The following EPHB1 variants were observed in gnomAD, a reference collection of about 807,000 sequenced individuals.
EPHB1 encodes the protein EPH receptor B1.
Under a neutral mutation model 94.4 loss-of-function variants are expected in EPHB1, and 30 were observed. The observed-to-expected ratio is 0.32, with a 90% CI of 0.24 to 0.43. The LOEUF (loss-of-function observed/expected upper bound fraction) is 0.43, where lower values mean the gene tolerates loss of function less well. Among genes scored for constraint, EPHB1 ranks in the 20% least tolerant of loss-of-function variants. The pLI, the probability that EPHB1 is intolerant of heterozygous loss-of-function variation, is 1.00. For synonymous variants in EPHB1, 522 were observed against 489.1 expected, an observed-to-expected ratio of 1.07 and a Z score of -0.89; for missense variants, 1,055 against 1,308.3, an observed-to-expected ratio of 0.81 and a Z score of 2.99.
At chr3:135,076,964 C>T (rs558909396) in intron 3 of EPHB1, among the ~76,000 whole-genome samples, 56 of 152,154 alleles carry the variant, frequency 3.7e-4, no homozygotes, top group Non-Finnish European at 6.6e-4. Context: ...GGGACATTTA[C>T]GGGGTGGTAG....
intron 9 of EPHB1, among the ~76,000 whole-genome samples, chr3:135,171,091 G>A (rs1941790015): frequency 6.6e-6 from 1 of 152,158 alleles, no homozygotes; most frequent in Non-Finnish European, 1.5e-5. Context: ...CAAACACTTG[G>A]AGAGATGATT....
chr3:135,210,571 C>T (rs1286660680), intron 12 of EPHB1, among the ~76,000 whole-genome samples: 1 of 152,134 alleles, frequency 6.6e-6, no homozygotes, highest in Non-Finnish European at 1.5e-5. Flanking sequence ...TCCAATTGTC[C>T]CTTCCTCCTG....
chr3:135,073,149 T>G (rs1231006404), intron 3 of EPHB1, among the ~76,000 whole-genome samples: 28 of 152,146 alleles, frequency 1.8e-4, no homozygotes, highest in Admixed American at 1.8e-3. Context: ...CTAGGGTTAA[T>G]TCTACTATTT....
intron 12 of EPHB1, among the ~76,000 whole-genome samples, chr3:135,220,267 G>A (rs1401252399): frequency 1.3e-5 from 2 of 152,144 alleles, no homozygotes; most frequent in Admixed American, 6.5e-5. Flanking sequence ...GCTGCTCTGC[G>A]GATGCTCACC....
chr3:135,059,238 C>G (rs898607565), intron 3 of EPHB1, among the ~76,000 whole-genome samples: 22 of 152,208 alleles, frequency 1.4e-4, no homozygotes, highest in African/African-American at 5.3e-4. Flanking sequence ...ACAGAAGGAG[C>G]CCTTTCTGGG....
At chr3:135,007,100 C>T (rs1399683520) in intron 3 of EPHB1, among the ~76,000 whole-genome samples, 1 of 152,188 alleles carries the variant, frequency 6.6e-6, no homozygotes, top group Admixed American at 6.5e-5. Flanking sequence ...TATGAAAGAT[C>T]TGATTTAGTC....
At chr3:135,087,874 T>C (rs1392485765) in intron 3 of EPHB1, among the ~76,000 whole-genome samples, 1 of 152,150 alleles carries the variant, frequency 6.6e-6, no homozygotes, top group Non-Finnish European at 1.5e-5. Context: ...TTCATTTTTC[T>C]CTGTGCACCA....
chr3:135,151,792 C>T (rs1941203599), intron 5 of EPHB1, among the ~76,000 whole-genome samples: 1 of 152,080 alleles, frequency 6.6e-6, no homozygotes, highest in Admixed American at 6.5e-5. Flanking sequence ...ACCAATAGGC[C>T]AAATTTAACA....
chr3:135,197,825 T>C (rs981216720), intron 11 of EPHB1, among the ~76,000 whole-genome samples: 3 of 152,230 alleles, frequency 2.0e-5, no homozygotes, highest in Non-Finnish European at 2.9e-5. Context: ...TAGTTTTTTT[T>C]TTTCTTATCT....
At chr3:135,205,079 C>G (rs1942865844) in intron 12 of EPHB1, among the ~76,000 whole-genome samples, 1 of 151,944 alleles carries the variant, frequency 6.6e-6, no homozygotes, top group Non-Finnish European at 1.5e-5. Flanking sequence ...TTTCACTTAG[C>G]ATAATGACCT....
rs539717083 is a variant in EPHB1, at chr3:135,254,819, G to C, written c.2847-4193G>C. Among the ~76,000 whole-genome samples the C allele has an allele frequency of 5.7e-3, 873 of 152,230 alleles. 2 individuals are homozygous for C. The highest frequency in any genetic ancestry group is 9.6e-3 in the Non-Finnish European group (652 of 68,020). ...CCAATTCCTCCTTGTACCTCTGATA[G>C]AATTCGGCTGTGAATCCATCTGGTC... is the stretch of plus-strand genomic sequence containing the variant. On this transcript the variant is annotated intron_variant, in intron 15 of 15. Coordinates refer to ENST00000398015, the MANE Select transcript of EPHB1 (RefSeq NM_004441.5).
At chr3:135,220,180 G>A (rs1206197178) in intron 12 of EPHB1, among the ~76,000 whole-genome samples, 1 of 152,180 alleles carries the variant, frequency 6.6e-6, no homozygotes, top group African/African-American at 2.4e-5. Context: ...AAAAGAGAGA[G>A]TGAGTCCAAG....
intron 1 of EPHB1, among the ~76,000 whole-genome samples, chr3:134,811,263 T>TTTTTTC (rs1553853002): frequency 6.8e-6 from 1 of 148,060 alleles, no homozygotes; most frequent in Admixed American, 6.8e-5. Context: ...TTTTTTTTTT[T>TTTTTTC]CTGTCTTGCT....
rs1357587904 is a variant in EPHB1, at chr3:134,846,467, G to A, written c.58+50778G>A. On this transcript the variant is annotated intron_variant, in intron 1 of 15. Coordinates refer to ENST00000398015, the MANE Select transcript of EPHB1 (RefSeq NM_004441.5). ...CCACGCACATCAGCAAGAGCATCGC[G>A]TGGGTGCTCCTTTGCTTGCCCTGGG... Among the ~76,000 whole-genome samples, 7 of 152,290 alleles carry A rather than the reference G, an allele frequency of 4.6e-5. No individual in the cohort carries two copies. In the South Asian group the frequency reaches 6.2e-4, roughly 14 times the overall value.
chr3:134,905,811 G>A (rs573642308), intron 1 of EPHB1, among the ~76,000 whole-genome samples: 10 of 152,280 alleles, frequency 6.6e-5, no homozygotes, highest in East Asian at 1.9e-4. Context: ...GAGCCTTGCC[G>A]TTTCCCCATG....
At chr3:135,053,869 A>G (rs1232831610) in intron 3 of EPHB1, among the ~76,000 whole-genome samples, 1 of 152,084 alleles carries the variant, frequency 6.6e-6, no homozygotes, top group Non-Finnish European at 1.5e-5. Flanking sequence ...GCACGTGCCT[A>G]TAGTCCTAGC....
intron 3 of EPHB1, among the ~76,000 whole-genome samples, chr3:135,032,861 C>G (rs1234408854): frequency 6.6e-6 from 1 of 152,204 alleles, no homozygotes; most frequent in Non-Finnish European, 1.5e-5. Flanking sequence ...CCTCCAGAGA[C>G]ATGAAAATTG....
At chr3:134,809,427 G>C (rs921051722) in intron 1 of EPHB1, among the ~76,000 whole-genome samples, 3 of 151,506 alleles carry the variant, frequency 2.0e-5, no homozygotes, top group Non-Finnish European at 4.4e-5. Context: ...ATGAAAACCC[G>C]TGGCTTTCTT....
intron 7 of EPHB1, among the ~76,000 whole-genome samples, chr3:135,164,222 G>A (rs1349045375): frequency 6.6e-6 from 1 of 152,160 alleles, no homozygotes; most frequent in African/African-American, 2.4e-5. Flanking sequence ...GAGGGCAACT[G>A]AAAATTTTCC....
Sources: gnomAD v4.1 joint callset for allele counts (sites outside exome capture counted in the v4.1 genomes callset) on GRCh38, gnomAD v4.1.1 for gene constraint, MANE v1.5 for transcripts, NCBI Gene and HGNC (gene_info 2026-07-23, HGNC 2026-07-21) for gene names.